STOML3: variants seen among roughly 807,000 people sequenced by gnomAD.
STOML3 encodes stomatin-like protein 3.
In STOML3, 31 loss-of-function variants were observed where a neutral mutation model predicts 29.5. The ratio of observed to expected loss-of-function variants is 1.05; its 90% CI spans 0.79 to 1.42. STOML3 has a LOEUF of 1.42. Among genes scored for constraint, STOML3 ranks in the 40% most tolerant of loss-of-function variants. The pLI is 0.00. For synonymous variants in STOML3, 122 were observed against 139.8 expected (o/e 0.87, Z 0.90); for missense variants, 380 against 363.0 (o/e 1.05, Z -0.38).
intron 1 of STOML3, among the ~76,000 whole-genome samples, chr13:38,986,454 TATGTGGA>T (rs1314562715): frequency 6.6e-6 from 1 of 152,120 alleles, no homozygotes; most frequent in Non-Finnish European, 1.5e-5. Flanking sequence ...AAATTAGAAG[TATGTGGA>T]ATGAGAACAA....
chr13:38,987,541 T>C (rs1421471996), intron 1 of STOML3, among the ~76,000 whole-genome samples: 2 of 150,582 alleles, frequency 1.3e-5, no homozygotes, highest in Non-Finnish European at 2.9e-5. Context: ...CACATAATGT[T>C]CCTGCTGGAA....
intron 1 of STOML3, among the ~76,000 whole-genome samples, chr13:38,977,553 A>C (rs1433907074): frequency 6.6e-6 from 1 of 152,038 alleles, no homozygotes; most frequent in Non-Finnish European, 1.5e-5. Context: ...GCCCTTTCTA[A>C]CTTTTCATAA....
At chr13:38,973,580 CT>C (rs1001713708) in intron 3 of STOML3, among the ~76,000 whole-genome samples, 1 of 152,126 alleles carries the variant, frequency 6.6e-6, no homozygotes, top group Non-Finnish European at 1.5e-5. Context: ...GGGTGATTCC[CT>C]TATGATCTAA....
intron 1 of STOML3, among the ~76,000 whole-genome samples, chr13:38,979,674 T>C (rs1881207103): frequency 1.3e-5 from 2 of 152,214 alleles, no homozygotes; most frequent in Admixed American, 1.3e-4. Context: ...TCAGTTTACT[T>C]ACCATTCTCC....
intron 3 of STOML3, among the ~76,000 whole-genome samples, chr13:38,973,826 T>C (rs768580582): frequency 1.3e-5 from 2 of 152,244 alleles, no homozygotes; most frequent in Non-Finnish European, 2.9e-5. Flanking sequence ...AGTTTTCTTA[T>C]AATAAAGATA....
intron 1 of STOML3, among the ~76,000 whole-genome samples, chr13:38,983,584 G>A (rs914791290): frequency 2.6e-5 from 4 of 152,160 alleles, no homozygotes; most frequent in African/African-American, 9.7e-5. Context: ...TCTGGCCACT[G>A]ACATTATAAG....
At chr13:38,970,488 A>G (rs1295480902) in intron 4 of STOML3, 100 bp from the exon 5 acceptor site, 4 of 967,012 alleles carry the variant, frequency 4.1e-6, no homozygotes. Context: ...GAAGGAGAGC[A>G]GTAACGACAA....
intron 1 of STOML3, among the ~76,000 whole-genome samples, chr13:38,984,245 G>A (rs1566209281): frequency 6.6e-6 from 1 of 152,304 alleles, no homozygotes; most frequent in Admixed American, 6.5e-5. Context: ...ACCCCCTACA[G>A]TAGAGAAAGT....
At chr13:38,988,933 T>TACAATATATTATATATACTATATTAC (rs1566212357) in intron 1 of STOML3, among the ~76,000 whole-genome samples, 13 of 144,940 alleles carry the variant, frequency 9.0e-5, no homozygotes, top group South Asian at 2.1e-4. Flanking sequence ...TACTATATTA[T>TACAATATATTATATATACTATATTAC]ACAATATATT....
intron 1 of STOML3, among the ~76,000 whole-genome samples, chr13:38,986,758 G>C (rs1377525784): frequency 6.6e-6 from 1 of 152,114 alleles, no homozygotes; most frequent in Admixed American, 6.5e-5. Flanking sequence ...TTGCTGAAAA[G>C]GAATATAGTC....
At chr13:38,968,686 T>C (rs1880754664) in intron 5 of STOML3, 152 bp from the exon 6 acceptor site, 4 of 892,552 alleles carry the variant, frequency 4.5e-6, no homozygotes, top group Non-Finnish European at 6.6e-6. Context: ...AGGAAGAGAA[T>C]AAGAGTTAAT....
chr13:38,979,958 T>C (rs564255162), intron 1 of STOML3: 6 of 1,276,688 alleles, frequency 4.7e-6, no homozygotes, highest in South Asian at 2.6e-5. Flanking sequence ...CTGTGCTTAA[T>C]GCCTGGAGCC....
At chr13:38,974,750 T>A (rs1474557770) in intron 3 of STOML3, among the ~76,000 whole-genome samples, 2 of 152,188 alleles carry the variant, frequency 1.3e-5, no homozygotes, top group Admixed American at 1.3e-4. Context: ...AGAGTTGTTA[T>A]CCTGAGACAT....
chr13:38,988,027 T>C (rs188884422), intron 1 of STOML3, among the ~76,000 whole-genome samples: 1 of 106,686 alleles, frequency 9.4e-6, no homozygotes, highest in Non-Finnish European at 1.7e-5. Flanking sequence ...TATAATATAT[T>C]ATATTTTATA....
chr13:38,972,055 T>G (rs555888810), intron 4 of STOML3, among the ~76,000 whole-genome samples: 1 of 152,282 alleles, frequency 6.6e-6, no homozygotes, highest in South Asian at 2.1e-4. Context: ...TAATTTAAAG[T>G]CAGAAGCAAA....
chr13:38,987,674 T>A (rs1410336535), intron 1 of STOML3, among the ~76,000 whole-genome samples: 1 of 138,666 alleles, frequency 7.2e-6, no homozygotes, highest in Non-Finnish European at 1.5e-5. Context: ...AGATTTTTAA[T>A]ATATATTATA....
At chr13:38,988,026 TTATATTTTATATCA>T (rs1868698051) in intron 1 of STOML3, among the ~76,000 whole-genome samples, 2 of 107,470 alleles carry the variant, frequency 1.9e-5, no homozygotes, top group Middle Eastern at 0.013. Flanking sequence ...ATATAATATA[TTATATTTTATATCA>T]TATATTTTAT....
At chr13:38,982,424 GT>G (rs1433500377) in intron 1 of STOML3, among the ~76,000 whole-genome samples, 1 of 151,770 alleles carries the variant, frequency 6.6e-6, no homozygotes, top group African/African-American at 2.4e-5. Flanking sequence ...CTTCTTGCCA[GT>G]TTCACAACCC....
intron 1 of STOML3, among the ~76,000 whole-genome samples, chr13:38,983,819 C>T (rs914212102): frequency 1.3e-5 from 2 of 152,198 alleles, no homozygotes; most frequent in African/African-American, 4.8e-5. Flanking sequence ...ACATTATCTA[C>T]TGTATGTTCC....
Sources: gnomAD v4.1 joint callset for allele counts (sites outside exome capture counted in the v4.1 genomes callset) on GRCh38, gnomAD v4.1.1 for gene constraint, MANE v1.5 for transcripts, NCBI Gene and HGNC (gene_info 2026-07-23, HGNC 2026-07-21) for gene names.